Variants in TDP2 observed in about 807,000 individuals in gnomAD.
TDP2 encodes 5'-Tyr-DNA phosphodiesterase.
Under a neutral mutation model 42.8 loss-of-function variants are expected in TDP2, and 38 were observed. That is an observed-to-expected ratio of 0.89 (90% CI 0.68 to 1.16). The LOEUF is 1.16. Among genes scored for constraint, TDP2 ranks in the 50% most tolerant of loss-of-function variants. The probability of loss-of-function intolerance (pLI) is 0.00; values close to 1 mark genes in which losing one functional copy is unlikely to be tolerated. For synonymous variants in TDP2, 173 were observed against 150.6 expected (o/e 1.15, Z -1.09); for missense variants, 439 against 439.3 (o/e 1.00, Z 0.01).
intron 2 of TDP2, 109 bp downstream of exon 2, chr6:24,666,417 C>A (rs1466875445): frequency 7.6e-6 from 11 of 1,443,324 alleles, no homozygotes; most frequent in Admixed American, 5.3e-5. Context: ...GCTTGGAGAT[C>A]TGCCTCAGCA....
Position 24,653,017 on chromosome 6 carries a change from A to G in TDP2, c.773T>C (p.Ile258Thr), listed in dbSNP as rs762485056. ...MQEAPESATV[I>T]FAGDTNLRDR... Reference sequence around the variant, plus strand: ...CCTTAGATTTGTATCTCCTGCAAATATAACTGTAGCTGACTCTGGAGCCTC... The same window carrying G: ...CCTTAGATTTGTATCTCCTGCAAATGTAACTGTAGCTGACTCTGGAGCCTC... Residue 258 changes from isoleucine (I) to threonine (T), a missense_variant, in exon 6 of 7, where the codon ATA (isoleucine) becomes ACA (threonine). Transcript: ENST00000378198. 14 of 1,613,880 alleles carry G rather than the reference A, an allele frequency of 8.7e-6. No homozygotes were observed. Among genetic ancestry groups the G allele is most frequent in the Admixed American group, 5.0e-5 (3 of 60,014 alleles).
intron 2 of TDP2, 128 bp downstream of exon 2, chr6:24,666,398 G>T: frequency 7.0e-7 from 1 of 1,422,050 alleles, no homozygotes; most frequent in Non-Finnish European, 9.8e-7. Flanking sequence ...CTGCTCCTCT[G>T]GCTACGCAGC....
At chr6:24,651,363 T>C (rs1272533222) in intron 6 of TDP2, among the ~76,000 whole-genome samples, 2 of 152,216 alleles carry the variant, frequency 1.3e-5, no homozygotes, top group Non-Finnish European at 2.9e-5. Context: ...CTGTTACTGC[T>C]GTTATCTGTT....
intron 6 of TDP2, among the ~76,000 whole-genome samples, chr6:24,651,571 A>C (rs1172296112): frequency 1.3e-5 from 2 of 151,632 alleles, no homozygotes; most frequent in African/African-American, 4.9e-5. Flanking sequence ...AATATACACA[A>C]TACAAGATTT....
rs748475191 is a variant in TDP2 at position 24,666,620 on chromosome 6, C to G, written c.166-9G>C. The G allele has an allele frequency of 1.9e-6, 3 of 1,614,236 alleles. No homozygotes were observed. The highest frequency in any genetic ancestry group is 2.2e-5 in the South Asian group (2 of 91,090). On this transcript the variant is annotated splice_polypyrimidine_tract_variant and intron_variant, in intron 1 of 6. Coordinates refer to ENST00000378198, the MANE Select transcript of TDP2 (RefSeq NM_016614.3). Reference sequence around the variant, plus strand: ...TAGGAGTTCAGAGCCCTCTGAAAAACAAAGGCACAAGGGATGAGGTTTGTG... The same window carrying G: ...TAGGAGTTCAGAGCCCTCTGAAAAAGAAAGGCACAAGGGATGAGGTTTGTG...
chr6:24,660,798 G>C (rs1362513734), intron 2 of TDP2, among the ~76,000 whole-genome samples: 2 of 148,340 alleles, frequency 1.3e-5, no homozygotes, highest in African/African-American at 2.5e-5. Context: ...TTCAGTCTTT[G>C]TCTCTCATGA....
At chr6:24,659,069 C>T (rs575204310) in intron 2 of TDP2, 18 of 178,348 alleles carry the variant, frequency 1.0e-4, no homozygotes, top group African/African-American at 3.8e-4. Context: ...GTTTTTCAGA[C>T]GCTGAATTCC....
intron 2 of TDP2, 45 bp downstream of exon 2, chr6:24,666,470 TACCTGGTATCA>T: frequency 6.4e-7 from 1 of 1,564,656 alleles, no homozygotes; most frequent in Non-Finnish European, 8.8e-7. Flanking sequence ...CGCGCAGGGC[TACCTGGTATCA>T]AACTGCCTCC....
At chr6:24,665,966 G>C (rs3756815) in intron 2 of TDP2, 82,555 of 1,046,456 alleles carry the variant, frequency 0.079, 7,598 homozygotes, top group East Asian at 0.45. Context: ...AGTTTGATAG[G>C]CCTGGAACCT....
In TDP2 at chr6:24,654,810, G is replaced by A. The variant is rs149976199; in HGVS notation, c.518-280C>T. 2.0e-5 allele frequency among the ~76,000 whole-genome samples: 3 copies of A among 152,234 alleles called. No individual in the cohort carries two copies. In the East Asian group the frequency reaches 5.8e-4, roughly 29 times the overall value. On this transcript the variant is annotated intron_variant, in intron 4 of 6. Coordinates refer to ENST00000378198, the MANE Select transcript of TDP2 (RefSeq NM_016614.3). Reference sequence around the variant, plus strand: ...AATCCCAGCACTTTGGGAGGTCGAGGTGGGCGGATCACCTGAGGTCAGGAG... The same window carrying A: ...AATCCCAGCACTTTGGGAGGTCGAGATGGGCGGATCACCTGAGGTCAGGAG...
At position 24,650,711 on chromosome 6, in the gene TDP2, C is replaced by T; in HGVS notation, c.*77G>A. The T allele has an allele frequency of 6.9e-7, 1 of 1,459,776 alleles. No homozygotes were observed. The highest frequency in any genetic ancestry group is 2.3e-5 in the East Asian group (1 of 43,640). 90.4% of individuals were successfully genotyped at this position (1,459,776 alleles called of 1,614,324 possible). ...CAATGATCTAGTACATTATTTCCTC[C>T]ACAGCAAACCTACCTTTCCAGAAGG... On this transcript the variant is annotated 3_prime_UTR_variant, in exon 7 of 7. Transcript: ENST00000378198.
intron 3 of TDP2, 150 bp downstream of exon 3, chr6:24,658,411 G>C (rs1778090222): frequency 5.1e-6 from 3 of 586,902 alleles, no homozygotes; most frequent in Non-Finnish European, 8.2e-6. Flanking sequence ...CTGCAATCCT[G>C]CTCTCAGAGG....
intron 6 of TDP2, among the ~76,000 whole-genome samples, 186 bp from the exon 7 acceptor site, chr6:24,651,255 C>T (rs1023106029): frequency 6.6e-6 from 1 of 152,016 alleles, no homozygotes; most frequent in African/African-American, 2.4e-5. Flanking sequence ...AATATCAAGA[C>T]AGCCAGAGGG....
At chr6:24,663,357 TAC>T (rs1244681603) in intron 2 of TDP2, among the ~76,000 whole-genome samples, 1 of 152,206 alleles carries the variant, frequency 6.6e-6, no homozygotes, top group Non-Finnish European at 1.5e-5. Context: ...AGAGAGAAGT[TAC>T]ACAGTTACTA....
intron 4 of TDP2, among the ~76,000 whole-genome samples, chr6:24,657,227 G>A (rs1205368953): frequency 1.3e-5 from 2 of 152,152 alleles, no homozygotes; most frequent in Non-Finnish European, 2.9e-5. Flanking sequence ...AATGGAGTGC[G>A]CACATATAGA....
In TDP2 at chr6:24,658,521, A is replaced by G. The variant is rs201010815; in HGVS notation, c.425+40T>C. On this transcript the variant is annotated intron_variant, in intron 3 of 6. Transcript: ENST00000378198. The stretch of plus-strand genomic sequence containing the variant: ...CCTTGAACTGTTACTTTGTATATAC[A>G]TAAGACACATTACTATTAAATAGAA... 75 of 1,532,546 alleles carry G rather than the reference A, an allele frequency of 4.9e-5. No homozygotes were observed. In the African/African-American group the frequency reaches 8.9e-4, roughly 18 times the overall value. The allele number at this position is 1,532,546 out of a possible 1,614,324, so 94.9% of individuals were successfully genotyped here.
At chr6:24,660,706 T>C (rs1027350451) in intron 2 of TDP2, among the ~76,000 whole-genome samples, 1 of 152,224 alleles carries the variant, frequency 6.6e-6, no homozygotes, top group African/African-American at 2.4e-5. Flanking sequence ...TTGCCAATTG[T>C]GCTACTAGTG....
intron 2 of TDP2, among the ~76,000 whole-genome samples, chr6:24,664,895 A>C (rs1184874412): frequency 6.6e-6 from 1 of 152,198 alleles, no homozygotes; most frequent in East Asian, 1.9e-4. Flanking sequence ...GGGTAAGAGA[A>C]TCCTAATAGC....
rs368633310 is a variant in TDP2, at chr6:24,658,542, T to C, written c.425+19A>G. ...ATACATAAGACACATTACTATTAAA[T>C]AGAAGTGATAATACTTACAAAGCTA... On this transcript the variant is annotated intron_variant, in intron 3 of 6. Coordinates refer to ENST00000378198, the MANE Select transcript of TDP2 (RefSeq NM_016614.3). The C allele has an allele frequency of 3.3e-5, 53 of 1,590,456 alleles. No homozygotes were observed. Among genetic ancestry groups the C allele is most frequent in the African/African-American group, 9.5e-5 (7 of 73,980 alleles).
Sources: allele counts gnomAD v4.1 joint callset (sites outside exome capture counted in the v4.1 genomes callset), GRCh38; gene constraint gnomAD v4.1.1; transcripts MANE v1.5; gene names NCBI Gene and HGNC (gene_info 2026-07-23, HGNC 2026-07-21).